Variants in SSBP2 observed in about 807,000 individuals in gnomAD.
The protein encoded by SSBP2 is single stranded DNA binding protein 2, also known as single-stranded DNA-binding protein 2.
A neutral mutation model predicts 61.8 loss-of-function variants in SSBP2; 17 were observed. That is an observed-to-expected ratio of 0.28 (90% CI 0.19 to 0.41). The LOEUF (loss-of-function observed/expected upper bound fraction) is 0.41, where lower values mean the gene tolerates loss of function less well. SSBP2 is among the 10% of genes least tolerant of loss of function. The probability of loss-of-function intolerance (pLI) is 1.00; values close to 1 mark genes in which losing one functional copy is unlikely to be tolerated. For synonymous variants in SSBP2, 139 were observed against 141.3 expected (o/e 0.98, Z 0.12); for missense variants, 310 against 458.7 (o/e 0.68, Z 2.96).
chr5:81,583,948 A>C (rs1294764688), intron 4 of SSBP2, among the ~76,000 whole-genome samples: 8 of 152,228 alleles, frequency 5.3e-5, no homozygotes, highest in Admixed American at 5.2e-4. Flanking sequence ...GCTATTATTG[A>C]ATTTTTAAAA....
intron 1 of SSBP2, among the ~76,000 whole-genome samples, chr5:81,714,043 G>A (rs1754994346): frequency 6.6e-6 from 1 of 152,084 alleles, no homozygotes; most frequent in Non-Finnish European, 1.5e-5. Context: ...TTATCCTAAT[G>A]CTATCCCTCC....
In SSBP2 at chr5:81,751,051, C is replaced by G. The variant is rs776523796; in HGVS notation, c.-9G>C. 15 of 1,588,456 alleles carry G rather than the reference C, an allele frequency of 9.4e-6. No homozygotes were observed. The highest frequency in any genetic ancestry group is 1.3e-5 in the Non-Finnish European group (15 of 1,167,542). ...TTGCCTTTGCCGTACATGCTTGTGC[C>G]GAGAGCAGCTCCCACTGTCACGCAC... is the stretch of plus-strand genomic sequence containing the variant. On this transcript the variant is annotated 5_prime_UTR_variant, in exon 1 of 17. Transcript: ENST00000320672.
At chr5:81,717,134 G>A (rs1447654590) in intron 1 of SSBP2, among the ~76,000 whole-genome samples, 3 of 152,164 alleles carry the variant, frequency 2.0e-5, no homozygotes, top group Non-Finnish European at 1.5e-5. Context: ...ATATTGCTGG[G>A]TATGGCCAGA....
chr5:81,747,148 T>A (rs1287632431), intron 1 of SSBP2, among the ~76,000 whole-genome samples: 2 of 152,120 alleles, frequency 1.3e-5, no homozygotes, highest in East Asian at 3.8e-4. Flanking sequence ...CACCAGTGGT[T>A]AAGACTGCAT....
intron 2 of SSBP2, among the ~76,000 whole-genome samples, chr5:81,639,198 G>T (rs1370032857): frequency 6.6e-6 from 1 of 152,134 alleles, no homozygotes; most frequent in Non-Finnish European, 1.5e-5. Flanking sequence ...GTGGGCAGAA[G>T]AAGACATAAG....
intron 1 of SSBP2, among the ~76,000 whole-genome samples, chr5:81,721,907 T>C (rs1469585514): frequency 6.6e-6 from 1 of 152,148 alleles, no homozygotes; most frequent in African/African-American, 2.4e-5. Context: ...TATCACCTCC[T>C]GATTACACCT....
chr5:81,516,855 T>C (rs1326252158), intron 4 of SSBP2, among the ~76,000 whole-genome samples: 2 of 152,198 alleles, frequency 1.3e-5, no homozygotes, highest in East Asian at 3.9e-4. Flanking sequence ...TCTTCGGATA[T>C]GTTGCTGAAA....
At position 81,448,801 on chromosome 5, in the gene SSBP2, C is replaced by T; in HGVS notation, c.712G>A (p.Gly238Arg). The change falls in exon 11 of 17, where the codon GGG becomes AGG. Residue 238 changes from glycine to arginine, a missense_variant. Transcript: ENST00000320672. ...CCAAATGTACTTACTACATAATTCC[C>T]AGGAGATGCTGAGGAGTATGGTATC... 1 of 1,612,974 alleles carries T rather than the reference C, an allele frequency of 6.2e-7. No homozygotes were observed. The highest frequency in any genetic ancestry group is 8.5e-7 in the Non-Finnish European group (1 of 1,179,606).
At chr5:81,597,527 T>C (rs551654024) in intron 4 of SSBP2, among the ~76,000 whole-genome samples, 21 of 152,284 alleles carry the variant, frequency 1.4e-4, no homozygotes, top group Admixed American at 2.0e-4. Context: ...CAAAGGATTA[T>C]AAATCATGCT....
At chr5:81,528,713 A>G (rs954600115) in intron 4 of SSBP2, among the ~76,000 whole-genome samples, 1 of 152,092 alleles carries the variant, frequency 6.6e-6, no homozygotes, top group African/African-American at 2.4e-5. Flanking sequence ...TAACTAGATA[A>G]GATTAGATGC....
chr5:81,458,961 C>CT, intron 10 of SSBP2, among the ~76,000 whole-genome samples: 1 of 152,306 alleles, frequency 6.6e-6, no homozygotes, highest in East Asian at 1.9e-4. Context: ...TCCTCCACTT[C>CT]TTTTCCCTAT....
chr5:81,709,331 T>C (rs1205967947), intron 1 of SSBP2, among the ~76,000 whole-genome samples: 1 of 151,972 alleles, frequency 6.6e-6, no homozygotes, highest in East Asian at 1.9e-4. Flanking sequence ...TGCAAATAAT[T>C]ATTTTTCCAT....
intron 4 of SSBP2, among the ~76,000 whole-genome samples, chr5:81,585,914 GC>G (rs1454061422): frequency 6.6e-6 from 1 of 151,928 alleles, no homozygotes; most frequent in Non-Finnish European, 1.5e-5. Flanking sequence ...TCTGTGCCTG[GC>G]TTCATACACT....
intron 1 of SSBP2, among the ~76,000 whole-genome samples, chr5:81,654,123 C>A (rs1750005962): frequency 6.6e-6 from 1 of 151,964 alleles, no homozygotes; most frequent in Non-Finnish European, 1.5e-5. Flanking sequence ...ACCACCACAT[C>A]TGACTAATTT....
At chr5:81,619,611 G>C (rs1250426498) in intron 3 of SSBP2, among the ~76,000 whole-genome samples, 1 of 147,016 alleles carries the variant, frequency 6.8e-6, no homozygotes, top group Non-Finnish European at 1.5e-5. Flanking sequence ...TTATGGGCCA[G>C]CATCATTCTG....
intron 4 of SSBP2, among the ~76,000 whole-genome samples, chr5:81,559,319 G>C (rs575779751): frequency 5.9e-5 from 9 of 151,332 alleles, no homozygotes; most frequent in African/African-American, 2.2e-4. Flanking sequence ...CCCGGGAAGC[G>C]GAGGTTGCAG....
intron 1 of SSBP2, among the ~76,000 whole-genome samples, chr5:81,731,233 T>G (rs976694410): frequency 6.6e-6 from 1 of 152,258 alleles, no homozygotes; most frequent in Non-Finnish European, 1.5e-5. Context: ...AACATCATTA[T>G]GTTCCTTGGG....
chr5:81,670,446 TC>T (rs1751506960), intron 1 of SSBP2, among the ~76,000 whole-genome samples: 1 of 152,170 alleles, frequency 6.6e-6, no homozygotes, highest in Admixed American at 6.5e-5. Context: ...AGTTCCTATC[TC>T]CATCTCCAAT....
intron 1 of SSBP2, among the ~76,000 whole-genome samples, chr5:81,675,028 C>A (rs753969879): frequency 6.6e-6 from 1 of 152,098 alleles, no homozygotes; most frequent in Non-Finnish European, 1.5e-5. Context: ...TTTTGATTAT[C>A]CACAGTAATT....
Sources: allele counts gnomAD v4.1 joint callset (sites outside exome capture counted in the v4.1 genomes callset), GRCh38; gene constraint gnomAD v4.1.1; transcripts MANE v1.5; gene names NCBI Gene and HGNC (gene_info 2026-07-23, HGNC 2026-07-21).